Variants in UACA observed in about 807,000 individuals in gnomAD.
The protein encoded by UACA is nuclear membrane binding protein.
In UACA, 112 loss-of-function variants were observed where a neutral mutation model predicts 160.5. That is an observed-to-expected ratio of 0.70 (90% CI 0.60 to 0.82). UACA has a LOEUF of 0.82. Among genes scored for constraint, UACA ranks in the 40% least tolerant of loss-of-function variants. The probability of loss-of-function intolerance (pLI) is 0.00; values close to 1 mark genes in which losing one functional copy is unlikely to be tolerated. For missense variants in UACA, 1,574 were observed against 1,614.6 expected (o/e 0.97, Z 0.43); for synonymous variants, 557 against 568.4 (o/e 0.98, Z 0.29).
At chr15:70,752,268 T>C (rs1595924793) in intron 1 of UACA, among the ~76,000 whole-genome samples, 1 of 146,404 alleles carries the variant, frequency 6.8e-6, no homozygotes. Flanking sequence ...ACTTCTCACG[T>C]GTAAATCAGG....
At chr15:70,769,225 G>A in the UACA span, among the ~76,000 whole-genome samples, 1 of 150,784 alleles carries the variant, frequency 6.6e-6, no homozygotes, top group African/African-American at 2.4e-5. Context: ...GGGCGTGATA[G>A]CTACTCAGGA....
At chr15:70,770,914 C>T in the UACA span, among the ~76,000 whole-genome samples, 3 of 152,196 alleles carry the variant, frequency 2.0e-5, no homozygotes, top group Non-Finnish European at 4.4e-5. Context: ...GAGGGTTGAG[C>T]TCTTTTTAGG....
intron 18 of UACA, among the ~76,000 whole-genome samples, chr15:70,659,338 G>T (rs1451415156): frequency 1.4e-5 from 1 of 69,244 alleles, no homozygotes; most frequent in South Asian, 5.1e-4. Flanking sequence ...TTTTAAAATT[G>T]TTCTTTTTTT....
At chr15:70,723,349 G>A (rs892464174) in intron 1 of UACA, among the ~76,000 whole-genome samples, 5 of 152,194 alleles carry the variant, frequency 3.3e-5, no homozygotes, top group African/African-American at 1.2e-4. Context: ...GCCAGGCGTG[G>A]TGGTACACAT....
At chr15:70,755,051 C>A (rs955497491) in intron 1 of UACA, among the ~76,000 whole-genome samples, 2 of 152,080 alleles carry the variant, frequency 1.3e-5, no homozygotes, top group African/African-American at 4.8e-5. Context: ...CTTTAGGTGG[C>A]AGGACAAACA....
chr15:70,682,344 T>C (rs1897539949), intron 9 of UACA, among the ~76,000 whole-genome samples: 1 of 152,220 alleles, frequency 6.6e-6, no homozygotes, highest in Non-Finnish European at 1.5e-5. Context: ...TCTGTTTTCT[T>C]CATTTCTTAA....
At position 70,667,154 on chromosome 15, in the gene UACA, T is replaced by A. The variant is rs1250965782; in HGVS notation, c.3530A>T (p.Glu1177Val). ...GGCTTTTATGATTCCAACTTCTTTC[T>A]CAAATGCTTCTTTAATCTGCAAATG... ...AEHLQIKEAF[E>V]KEVGIIKASL... The change falls in exon 16 of 19, where the codon GAG becomes GTG. Residue 1177 changes from glutamate to valine, a missense_variant. Transcript: ENST00000322954. 6.2e-7 allele frequency: 1 copy of A among 1,613,786 alleles called. No individual in the cohort carries two copies. The highest frequency in any genetic ancestry group is 8.5e-7 in the Non-Finnish European group (1 of 1,179,970).
At chr15:70,738,478 C>T (rs139069951) in intron 1 of UACA, among the ~76,000 whole-genome samples, 226 of 152,200 alleles carry the variant, frequency 1.5e-3, no homozygotes, top group African/African-American at 5.3e-3. Flanking sequence ...ACAAAACACA[C>T]CTGGCCTGGA....
the UACA span, among the ~76,000 whole-genome samples, chr15:70,769,978 C>T: frequency 6.6e-6 from 1 of 152,128 alleles, no homozygotes; most frequent in Non-Finnish European, 1.5e-5. Context: ...GCCTGGGCAA[C>T]ACAGCGAGAC....
the UACA span, among the ~76,000 whole-genome samples, chr15:70,770,022 G>T: frequency 6.6e-6 from 1 of 152,056 alleles, no homozygotes; most frequent in African/African-American, 2.4e-5. Context: ...AAAAAGAAAA[G>T]TGTATTTTAA....
chr15:70,757,362 T>C (rs1334037902), intron 1 of UACA, among the ~76,000 whole-genome samples: 4 of 152,356 alleles, frequency 2.6e-5, no homozygotes, highest in East Asian at 1.9e-4. Flanking sequence ...AGCTTGTCTT[T>C]CTTTTTGAGA....
intron 1 of UACA, among the ~76,000 whole-genome samples, chr15:70,747,354 C>T (rs1899742341): frequency 6.6e-6 from 1 of 151,502 alleles, no homozygotes. Flanking sequence ...AGCAATTCCC[C>T]CGCCTCAGCC....
At position 70,664,787 on chromosome 15, in the gene UACA, T is replaced by C. The variant is rs760047960; in HGVS notation, c.3988A>G (p.Arg1330Gly). The C allele has an allele frequency of 1.2e-6, 2 of 1,613,256 alleles. No individual in the cohort carries two copies. Among genetic ancestry groups the C allele is most frequent in the South Asian group, 1.1e-5 (1 of 91,002 alleles). The change falls in exon 17 of 19, where the codon AGA (arginine) becomes GGA (glycine). Residue 1330 changes from arginine (R) to glycine (G), a missense_variant. By Grantham distance (125) the Arg-to-Gly change is moderately radical. Transcript: ENST00000322954. Reference sequence around the variant, plus strand: ...AGGCCATTGAGTGCCTGTTTTAATCTTTCCACATCATTAAGCAGTTCAGTT... The same window carrying C: ...AGGCCATTGAGTGCCTGTTTTAATCCTTCCACATCATTAAGCAGTTCAGTT... ...KITELLNDVE[R>G]LKQALNGLSQ...
chr15:70,657,266 G>A, intron 18 of UACA, 139 bp from the exon 19 acceptor site: 2 of 701,718 alleles, frequency 2.9e-6, no homozygotes, highest in South Asian at 1.7e-5. Context: ...ATTTCTAAAG[G>A]AATTACTGGA....
intron 2 of UACA, 61 bp from the exon 3 acceptor site, chr15:70,695,166 A>G (rs1595894270): frequency 1.6e-6 from 2 of 1,221,594 alleles, no homozygotes; most frequent in Non-Finnish European, 2.3e-6. Context: ...CTTAAATGCT[A>G]CATTAATGTC....
chr15:70,713,481 G>C (rs577747883), intron 1 of UACA, among the ~76,000 whole-genome samples: 1 of 152,348 alleles, frequency 6.6e-6, no homozygotes, highest in South Asian at 2.1e-4. Flanking sequence ...GGAACAACTA[G>C]TGAAAGGAGC....
the UACA span, among the ~76,000 whole-genome samples, chr15:70,777,114 C>T: frequency 6.6e-6 from 1 of 152,158 alleles, no homozygotes; most frequent in South Asian, 2.1e-4. Context: ...GGATTCTAGA[C>T]AGATCTTGAA....
intron 1 of UACA, among the ~76,000 whole-genome samples, chr15:70,719,410 TCCC>T (rs1008134974): frequency 6.6e-6 from 1 of 152,096 alleles, no homozygotes; most frequent in Non-Finnish European, 1.5e-5. Flanking sequence ...GGTGGGGGAT[TCCC>T]CCGACAGGCA....
intron 1 of UACA, among the ~76,000 whole-genome samples, chr15:70,706,476 A>G (rs937868134): frequency 6.6e-6 from 1 of 150,618 alleles, no homozygotes; most frequent in Non-Finnish European, 1.5e-5. Context: ...GAAAGGAAGA[A>G]GTTGAAATCA....
Sources: gnomAD v4.1 joint callset for allele counts (sites outside exome capture counted in the v4.1 genomes callset) on GRCh38, gnomAD v4.1.1 for gene constraint, MANE v1.5 for transcripts, NCBI Gene and HGNC (gene_info 2026-07-23, HGNC 2026-07-21) for gene names.